Variants in ENDOD1 observed in about 807,000 individuals in gnomAD.
The protein encoded by ENDOD1 is endonuclease domain-containing 1 protein.
A neutral mutation model predicts 6.5 loss-of-function variants in ENDOD1; 9 were observed. That is an observed-to-expected ratio of 1.39 (90% CI 0.84 to 2.43). The LOEUF is 2.43. Ranked by LOEUF, ENDOD1 falls within the 30% of genes most tolerant of loss-of-function variation. ENDOD1 has a pLI of 0.00. For missense variants in ENDOD1, 648 were observed against 635.5 expected (o/e 1.02, Z -0.21); for synonymous variants, 255 against 255.2 (o/e 1.00, Z 0.01).
chr11:95,129,005 G>A lies in ENDOD1; in HGVS notation c.929G>A (p.Ser310Asn). 2 of 1,613,988 alleles carry A rather than the reference G, an allele frequency of 1.2e-6. No homozygotes were observed. Among genetic ancestry groups the A allele is most frequent in the South Asian group, 2.2e-5 (2 of 91,084 alleles). ...TCTAGTCCCCTTTCTAGCACCAGGA[G>A]CAAGAGGTCTACTCTGTTGCCTCCA... The part of the protein sequence containing the change: ...KSSSPLSSTR[S>N]KRSTLLPPEA... The change falls in exon 2 of 2, where the codon AGC (serine) becomes AAC (asparagine). Residue 310 changes from serine to asparagine, a missense_variant. Transcript: ENST00000278505.
chr11:95,118,447 AGT>A (rs141536383), intron 1 of ENDOD1, among the ~76,000 whole-genome samples: 4,911 of 152,256 alleles, frequency 0.032, 265 homozygotes, highest in African/African-American at 0.11. Context: ...TTAGGGTAAT[AGT>A]TTTTTTCGTT....
intron 1 of ENDOD1, among the ~76,000 whole-genome samples, chr11:95,094,778 A>G (rs1360615564): frequency 6.6e-6 from 1 of 152,252 alleles, no homozygotes; most frequent in Non-Finnish European, 1.5e-5. Context: ...TAAGGAATGC[A>G]GTGAACAGGA....
At chr11:95,120,742 A>C (rs1481825737) in intron 1 of ENDOD1, among the ~76,000 whole-genome samples, 1 of 152,048 alleles carries the variant, frequency 6.6e-6, no homozygotes, top group Non-Finnish European at 1.5e-5. Flanking sequence ...GGACTCACCT[A>C]GGAGTTGCAG....
chr11:95,119,811 G>C (rs1859245106), intron 1 of ENDOD1, among the ~76,000 whole-genome samples: 1 of 152,222 alleles, frequency 6.6e-6, no homozygotes, highest in African/African-American at 2.4e-5. Context: ...CCAGGGACTA[G>C]AGTCAAAAGC....
intron 1 of ENDOD1, among the ~76,000 whole-genome samples, chr11:95,100,641 G>A (rs915009859): frequency 3.3e-5 from 5 of 151,692 alleles, no homozygotes; most frequent in Admixed American, 2.0e-4. Context: ...GTGCCACCAC[G>A]TCTGGCTAAT....
At chr11:95,119,474 G>T (rs1859242010) in intron 1 of ENDOD1, among the ~76,000 whole-genome samples, 1 of 152,204 alleles carries the variant, frequency 6.6e-6, no homozygotes, top group Non-Finnish European at 1.5e-5. Context: ...GGGTTACCAG[G>T]CAGAGTCTTT....
At chr11:95,126,815 G>A (rs681519) in intron 1 of ENDOD1, among the ~76,000 whole-genome samples, 4,444 of 152,088 alleles carry the variant, frequency 0.029, 84 homozygotes, top group Middle Eastern at 0.044. Flanking sequence ...TGAGTAGCTG[G>A]GACCACAGGT....
intron 1 of ENDOD1, among the ~76,000 whole-genome samples, chr11:95,109,252 A>G (rs904626311): frequency 1.3e-5 from 2 of 152,212 alleles, no homozygotes; most frequent in Non-Finnish European, 2.9e-5. Context: ...CTCCAGGGGA[A>G]GGAAACTCCA....
At chr11:95,125,678 G>A (rs964129519) in intron 1 of ENDOD1, among the ~76,000 whole-genome samples, 1 of 147,858 alleles carries the variant, frequency 6.8e-6, no homozygotes, top group South Asian at 2.1e-4. Context: ...CCACCTATGA[G>A]TGAGAACATG....
chr11:95,104,461 A>G (rs1184930110), intron 1 of ENDOD1, among the ~76,000 whole-genome samples: 1 of 151,942 alleles, frequency 6.6e-6, no homozygotes, highest in Admixed American at 6.6e-5. Flanking sequence ...AAAAAAAAAA[A>G]AAAAAGAAAG....
At chr11:95,090,661 G>A (rs1369835566) in intron 1 of ENDOD1, among the ~76,000 whole-genome samples, 1 of 152,212 alleles carries the variant, frequency 6.6e-6, no homozygotes. Context: ...GAGGTGGGTA[G>A]GTGGGCATTT....
Position 95,129,842 on chromosome 11 carries a change from C to G in ENDOD1, c.*263C>G. On this transcript the variant is annotated 3_prime_UTR_variant, in exon 2 of 2. Coordinates refer to ENST00000278505, the MANE Select transcript of ENDOD1 (RefSeq NM_015036.3). ...CCACTAATAACTTCAGTTATGCACT[C>G]TAACACAGACGACCACCTGAAATGC... 5.5e-6 allele frequency: 2 copies of G among 364,592 alleles called. No individual in the cohort carries two copies. The highest frequency in any genetic ancestry group is 1.0e-5 in the Non-Finnish European group (2 of 200,390). 22.6% of individuals were successfully genotyped at this position (364,592 alleles called of 1,614,324 possible). A position where few individuals can be genotyped will look rare whatever the true frequency, so the allele number is the denominator to read the frequency against.
At chr11:95,110,574 C>CGTGTGTGTGTGT (rs758027047) in intron 1 of ENDOD1, among the ~76,000 whole-genome samples, 7 of 138,702 alleles carry the variant, frequency 5.0e-5, no homozygotes, top group East Asian at 2.0e-4. Flanking sequence ...CTTTCAAGTC[C>CGTGTGTGTGTGT]GTGTATGTAT....
intron 1 of ENDOD1, among the ~76,000 whole-genome samples, chr11:95,108,032 G>C (rs571231697): frequency 8.5e-4 from 130 of 152,348 alleles, no homozygotes; most frequent in African/African-American, 3.0e-3. Flanking sequence ...GTGATGAGCA[G>C]CCAGAGGTGT....
Position 95,123,267 on chromosome 11 carries a change from A to G in ENDOD1, c.301-5110A>G, listed in dbSNP as rs77929875. On this transcript the variant is annotated intron_variant, in intron 1 of 1. Coordinates refer to ENST00000278505, the MANE Select transcript of ENDOD1 (RefSeq NM_015036.3). ...AATGATGTGTTAAAGTGACTTCATA[A>G]TGTAATGTCCGGTTTTTTTTTTTTG... 1.7e-4 allele frequency among the ~76,000 whole-genome samples: 25 copies of G among 149,974 alleles called. No homozygotes were observed. The East Asian group carries it at 4.6e-3, about 28-fold the overall frequency.
Position 95,111,220 on chromosome 11 carries a change from A to G in ENDOD1, c.301-17157A>G, listed in dbSNP as rs187373417. On this transcript the variant is annotated intron_variant, in intron 1 of 1. Transcript: ENST00000278505. ...TTTTGCAGCCCAGAAGTCCTCAGGG[A>G]TGGGAGTCCGTTCAGTGCCTTCCTG... Among the ~76,000 whole-genome samples the G allele has an allele frequency of 8.9e-4, 135 of 152,144 alleles. 1 individual carries two copies. Among genetic ancestry groups the G allele is most frequent in the Admixed American group, 6.9e-3 (106 of 15,286 alleles).
intron 1 of ENDOD1, among the ~76,000 whole-genome samples, chr11:95,124,885 A>C (rs562189953): frequency 6.6e-6 from 1 of 152,290 alleles, no homozygotes; most frequent in South Asian, 2.1e-4. Flanking sequence ...CAACCCCCAC[A>C]GTCCTTTATA....
Position 95,130,597 on chromosome 11 carries a change from T to C in ENDOD1, c.*1018T>C, listed in dbSNP as rs1859361982. 1 of 152,120 alleles carries C rather than the reference T, an allele frequency of 6.6e-6. No homozygotes were observed. Among genetic ancestry groups the C allele is most frequent in the Admixed American group, 6.6e-5 (1 of 15,266 alleles). 9.4% of individuals were successfully genotyped at this position (152,120 alleles called of 1,614,324 possible). On this transcript the variant is annotated 3_prime_UTR_variant, in exon 2 of 2. Coordinates refer to ENST00000278505, the MANE Select transcript of ENDOD1 (RefSeq NM_015036.3). The stretch of plus-strand genomic sequence containing the variant: ...CACAGTAAAAATACTCTGACTTATG[T>C]CCCTAAATGGTTGTTTTGATACAAC...
At chr11:95,103,225 C>A (rs1228589598) in intron 1 of ENDOD1, among the ~76,000 whole-genome samples, 1 of 151,892 alleles carries the variant, frequency 6.6e-6, no homozygotes, top group Admixed American at 6.6e-5. Context: ...ACTTTGTTCC[C>A]TTCTCTACCA....
Sources: allele counts gnomAD v4.1 joint callset (sites outside exome capture counted in the v4.1 genomes callset), GRCh38; gene constraint gnomAD v4.1.1; transcripts MANE v1.5; gene names NCBI Gene and HGNC (gene_info 2026-07-23, HGNC 2026-07-21).